Variants in MAGI2 observed in about 807,000 individuals in gnomAD.
MAGI2 encodes the protein membrane associated guanylate kinase, WW and PDZ domain containing 2, also known as membrane-associated guanylate kinase, WW and PDZ domain-containing protein 2.
MAGI2 carries 35 observed loss-of-function variants against 133.3 expected under a neutral mutation model. That is an observed-to-expected ratio of 0.26 (90% confidence interval 0.20 to 0.35). MAGI2 has a LOEUF of 0.35. MAGI2 is among the 10% of genes least tolerant of loss of function. MAGI2 has a pLI of 1.00. For synonymous variants in MAGI2, 729 were observed against 710.6 expected (o/e 1.03, Z -0.41); for missense variants, 1,636 against 1,863.4 (o/e 0.88, Z 2.25).
intron 3 of MAGI2, among the ~76,000 whole-genome samples, chr7:78,592,338 C>T (rs1178607975): frequency 9.4e-6 from 1 of 106,078 alleles, no homozygotes; most frequent in Non-Finnish European, 2.3e-5. Flanking sequence ...AAATAGTAGA[C>T]TATTTTTTTT....
chr7:78,627,590 A>G (rs1584894366), intron 2 of MAGI2, among the ~76,000 whole-genome samples: 1 of 152,312 alleles, frequency 6.6e-6, no homozygotes, highest in East Asian at 1.9e-4. Context: ...ATTTCACTCC[A>G]TGAATGAACC....
chr7:79,181,553 T>A (rs1228902439), intron 1 of MAGI2, among the ~76,000 whole-genome samples: 3 of 151,782 alleles, frequency 2.0e-5, no homozygotes, highest in African/African-American at 7.3e-5. Flanking sequence ...CCCCTAAACC[T>A]CCGGGCCTGT....
At chr7:79,226,018 A>T (rs974870025) in intron 1 of MAGI2, among the ~76,000 whole-genome samples, 1 of 152,134 alleles carries the variant, frequency 6.6e-6, no homozygotes, top group Non-Finnish European at 1.5e-5. Flanking sequence ...TCTAGCAGGG[A>T]GGTTATTCTG....
chr7:78,482,348 T>C (rs1054281019), intron 6 of MAGI2, among the ~76,000 whole-genome samples: 3 of 152,040 alleles, frequency 2.0e-5, no homozygotes, highest in African/African-American at 7.2e-5. Flanking sequence ...TGGCAGTTTG[T>C]CCTAAAACTG....
In MAGI2 at chr7:78,123,918, G is replaced by A. The variant is rs531457703; in HGVS notation, c.3567+1776C>T. 3.9e-5 allele frequency among the ~76,000 whole-genome samples: 6 copies of A among 152,294 alleles called. 1 individual carries two copies. In the South Asian group the frequency reaches 1.0e-3, roughly 26 times the overall value. On this transcript the variant is annotated intron_variant, in intron 20 of 21. Coordinates refer to ENST00000354212, the MANE Select transcript of MAGI2 (RefSeq NM_012301.4). ...CCAGGTGATGCTGATGCCAGGAACC[G>A]TGCTGAGAACCATTGCTCTGGCTTA...
At chr7:79,074,683 T>C (rs1303877882) in intron 1 of MAGI2, among the ~76,000 whole-genome samples, 1 of 152,212 alleles carries the variant, frequency 6.6e-6, no homozygotes, top group Non-Finnish European at 1.5e-5. Context: ...TGAAAATCAA[T>C]GTGAGGATAT....
At chr7:78,703,257 C>T (rs1818261593) in intron 2 of MAGI2, among the ~76,000 whole-genome samples, 1 of 151,984 alleles carries the variant, frequency 6.6e-6, no homozygotes, top group Non-Finnish European at 1.5e-5. Context: ...TTAATTTCAT[C>T]TGTAAGAAGA....
At chr7:79,323,407 G>A (rs1031029263) in intron 1 of MAGI2, among the ~76,000 whole-genome samples, 2 of 152,120 alleles carry the variant, frequency 1.3e-5, no homozygotes, top group African/African-American at 2.4e-5. Context: ...CTTACAGAAA[G>A]CACCTAGAAG....
At chr7:79,263,326 C>T (rs991946713) in intron 1 of MAGI2, among the ~76,000 whole-genome samples, 1 of 151,974 alleles carries the variant, frequency 6.6e-6, no homozygotes, top group African/African-American at 2.4e-5. Flanking sequence ...ATAATTAATC[C>T]TATTTCACCG....
At chr7:79,175,006 C>T (rs1014249992) in intron 1 of MAGI2, among the ~76,000 whole-genome samples, 10 of 151,842 alleles carry the variant, frequency 6.6e-5, no homozygotes, top group Middle Eastern at 6.8e-3. Flanking sequence ...TGTTTAGTTT[C>T]GTCCAAAGAA....
At chr7:78,541,194 ATTTTT>A (rs201711388) in intron 3 of MAGI2, among the ~76,000 whole-genome samples, 1 of 150,650 alleles carries the variant, frequency 6.6e-6, no homozygotes, top group Non-Finnish European at 1.5e-5. Context: ...TGCAATAAGG[ATTTTT>A]TTTTTAAACA....
chr7:78,511,483 T>C (rs1795558884), intron 4 of MAGI2, among the ~76,000 whole-genome samples: 1 of 150,264 alleles, frequency 6.7e-6, no homozygotes, highest in Non-Finnish European at 1.5e-5. Flanking sequence ...CTAATATGGG[T>C]ACTAAAATAT....
intron 2 of MAGI2, among the ~76,000 whole-genome samples, chr7:78,846,861 T>C (rs975435107): frequency 3.3e-5 from 5 of 151,934 alleles, no homozygotes; most frequent in African/African-American, 1.2e-4. Context: ...CAGGTGCATA[T>C]ATTAAAAGCT....
Position 78,976,299 on chromosome 7 carries a change from A to T in MAGI2, c.418+30791T>A, listed in dbSNP as rs1804242108. Among the ~76,000 whole-genome samples the T allele has an allele frequency of 2.0e-5, 3 of 151,670 alleles. No individual in the cohort carries two copies. The South Asian group carries it at 6.2e-4, about 31-fold the overall frequency. On this transcript the variant is annotated intron_variant, in intron 2 of 21. Coordinates refer to ENST00000354212, the MANE Select transcript of MAGI2 (RefSeq NM_012301.4). ...TTAGACAATCAATTAATGTAATCTAACATATCAACAGGCCATGGAGAAGAA... is the reference window on the plus strand; with the variant it reads ...TTAGACAATCAATTAATGTAATCTATCATATCAACAGGCCATGGAGAAGAA...
intron 2 of MAGI2, among the ~76,000 whole-genome samples, chr7:78,764,566 T>G (rs1198472288): frequency 3.3e-5 from 5 of 152,216 alleles, no homozygotes; most frequent in Non-Finnish European, 1.5e-5. Context: ...ATCCCAAATG[T>G]TAAACAGTTC....
At chr7:78,823,532 C>T (rs1225158068) in intron 2 of MAGI2, among the ~76,000 whole-genome samples, 2 of 146,630 alleles carry the variant, frequency 1.4e-5, no homozygotes, top group South Asian at 4.3e-4. Context: ...GCAGTGAGCC[C>T]GGATCGCGCC....
intron 2 of MAGI2, among the ~76,000 whole-genome samples, chr7:78,991,185 C>T (rs1439092067): frequency 6.6e-6 from 1 of 151,922 alleles, no homozygotes; most frequent in Non-Finnish European, 1.5e-5. Flanking sequence ...CCTTTGCCTT[C>T]CACCGTGATT....
intron 2 of MAGI2, among the ~76,000 whole-genome samples, chr7:78,690,800 C>T (rs1816875067): frequency 6.6e-6 from 1 of 152,134 alleles, no homozygotes; most frequent in South Asian, 2.1e-4. Context: ...ACAGGTCCCT[C>T]AAAAATATTT....
intron 1 of MAGI2, among the ~76,000 whole-genome samples, chr7:79,034,587 T>C (rs1278055667): frequency 6.6e-6 from 1 of 152,304 alleles, no homozygotes; most frequent in South Asian, 2.1e-4. Context: ...TACACAATCT[T>C]TGTGAAGGAG....
Sources: gnomAD v4.1 joint callset for allele counts (sites outside exome capture counted in the v4.1 genomes callset) on GRCh38, gnomAD v4.1.1 for gene constraint, MANE v1.5 for transcripts, NCBI Gene and HGNC (gene_info 2026-07-23, HGNC 2026-07-21) for gene names.